COL21A1: variants seen among roughly 807,000 people sequenced by gnomAD.
The protein encoded by COL21A1 is collagen alpha-1(XXI) chain.
In COL21A1, 149 loss-of-function variants were observed where a neutral mutation model predicts 137.9. The observed-to-expected ratio is 1.08, with a 90% CI of 0.95 to 1.24. COL21A1 has a LOEUF of 1.24. Ranked by LOEUF, COL21A1 falls within the 50% of genes most tolerant of loss-of-function variation. The pLI is 0.00. For missense variants in COL21A1, 1,167 were observed against 1,158.4 expected, an observed-to-expected ratio of 1.01 and a Z score of -0.11; for synonymous variants, 456 against 391.5, an observed-to-expected ratio of 1.16 and a Z score of -1.95.
At chr6:56,288,589 G>A (rs548088195) in intron 1 of COL21A1, among the ~76,000 whole-genome samples, 1 of 152,312 alleles carries the variant, frequency 6.6e-6, no homozygotes, top group East Asian at 1.9e-4. Context: ...ACAAGAGCCA[G>A]TGAAAGAGCA....
At chr6:56,327,927 T>C (rs1765132811) in intron 1 of COL21A1, among the ~76,000 whole-genome samples, 1 of 152,054 alleles carries the variant, frequency 6.6e-6, no homozygotes, top group Non-Finnish European at 1.5e-5. Flanking sequence ...GAAAAGTCAC[T>C]CTGAGAAATG....
chr6:56,085,457 A>G (rs1466596539), intron 17 of COL21A1, among the ~76,000 whole-genome samples: 1 of 152,108 alleles, frequency 6.6e-6, no homozygotes, highest in East Asian at 1.9e-4. Flanking sequence ...ATAATTTCAT[A>G]TTATCATTTA....
At chr6:56,170,214 A>C (rs975112009) in intron 5 of COL21A1, among the ~76,000 whole-genome samples, 2 of 151,872 alleles carry the variant, frequency 1.3e-5, no homozygotes. Context: ...CTTCATGTAA[A>C]TATCCTGTAG....
At chr6:56,209,461 T>C (rs1780011217) in intron 1 of COL21A1, among the ~76,000 whole-genome samples, 1 of 152,158 alleles carries the variant, frequency 6.6e-6, no homozygotes, top group African/African-American at 2.4e-5. Flanking sequence ...CATCAAAAAG[T>C]GAGCGAAGGA....
intron 1 of COL21A1, among the ~76,000 whole-genome samples, chr6:56,274,266 A>G (rs1408451014): frequency 2.0e-5 from 3 of 152,190 alleles, no homozygotes; most frequent in African/African-American, 7.2e-5. Flanking sequence ...CATCATACAG[A>G]ATGGGCCAAA....
chr6:56,373,020 A>T, intron 1 of COL21A1, among the ~76,000 whole-genome samples: 1 of 152,194 alleles, frequency 6.6e-6, no homozygotes, highest in East Asian at 1.9e-4. Flanking sequence ...AAAATAAAAA[A>T]AAAAAAGAAA....
At chr6:56,353,249 A>T (rs1765753909) in intron 1 of COL21A1, among the ~76,000 whole-genome samples, 1 of 152,182 alleles carries the variant, frequency 6.6e-6, no homozygotes, top group Non-Finnish European at 1.5e-5. Context: ...AGATAAGAAG[A>T]GGCCATTCCT....
intron 1 of COL21A1, among the ~76,000 whole-genome samples, chr6:56,303,885 T>C (rs907077003): frequency 5.3e-5 from 8 of 152,186 alleles, no homozygotes; most frequent in Non-Finnish European, 1.2e-4. Context: ...AGATAGCTCT[T>C]ATGATTTTGA....
chr6:56,363,404 A>G (rs1365923199), intron 1 of COL21A1, among the ~76,000 whole-genome samples: 1 of 152,210 alleles, frequency 6.6e-6, no homozygotes, highest in Non-Finnish European at 1.5e-5. Context: ...TGAGGCTTAC[A>G]GAGGTTAAGT....
chr6:56,123,102 A>G (rs1391456563), intron 16 of COL21A1, among the ~76,000 whole-genome samples: 3 of 152,250 alleles, frequency 2.0e-5, no homozygotes, highest in Admixed American at 6.5e-5. Flanking sequence ...CACATAGTCT[A>G]GATTATAAAC....
At chr6:56,069,852 C>T (rs1766593531) in intron 21 of COL21A1, among the ~76,000 whole-genome samples, 1 of 150,944 alleles carries the variant, frequency 6.6e-6, no homozygotes, top group African/African-American at 2.4e-5. Context: ...TTGGAATGAA[C>T]ATCCTGGTAG....
chr6:56,160,822 A>G (rs1776140832), intron 9 of COL21A1, among the ~76,000 whole-genome samples: 1 of 152,206 alleles, frequency 6.6e-6, no homozygotes, highest in Non-Finnish European at 1.5e-5. Flanking sequence ...ATAAGCTAAT[A>G]TTTTAAGTTG....
intron 1 of COL21A1, among the ~76,000 whole-genome samples, chr6:56,305,552 C>G (rs1174817680): frequency 6.6e-6 from 1 of 152,092 alleles, no homozygotes; most frequent in Non-Finnish European, 1.5e-5. Context: ...ACTAGGATTG[C>G]AACCCCTGCC....
At position 56,070,770 on chromosome 6, in the gene COL21A1, C is replaced by A. The variant is rs200999181; in HGVS notation, c.1994G>T (p.Gly665Val). ...CTTGAGCCCAGAAGCCCCAGGCATC[C>A]CTTGAATTCCAGGTTCACCTTTGCT... Reference protein sequence around the residue: ...KGSKGEPGIQGMPGASGLKGE... With the variant: ...KGSKGEPGIQVMPGASGLKGE... The change falls in exon 21 of 30, where the codon GGG becomes GTG. Residue 665 changes from glycine (G) to valine (V), a missense_variant. By Grantham distance (109) the Gly-to-Val change is moderately radical. Transcript: ENST00000244728. 1,598 of 1,589,834 alleles carry A rather than the reference C, an allele frequency of 1.0e-3. 1 individual carries two copies. The highest frequency in any genetic ancestry group is 1.4e-3 in the Admixed American group (73 of 53,492).
chr6:56,155,024 A>G (rs546746742), intron 10 of COL21A1, among the ~76,000 whole-genome samples: 72 of 152,238 alleles, frequency 4.7e-4, no homozygotes, highest in African/African-American at 1.6e-3. Context: ...CCAGGTATTA[A>G]GCCTAGTACC....
At chr6:56,065,372 C>A (rs915117862) in intron 23 of COL21A1, among the ~76,000 whole-genome samples, 6 of 151,988 alleles carry the variant, frequency 3.9e-5, no homozygotes, top group Non-Finnish European at 8.8e-5. Context: ...ATTTTTTGAG[C>A]AGCACCTATT....
At chr6:56,251,069 A>C (rs1036105155), upstream of COL21A1, among the ~76,000 whole-genome samples, 13 of 152,198 alleles carry the variant, frequency 8.5e-5, no homozygotes, top group African/African-American at 2.7e-4. Context: ...TTTCCCTTAC[A>C]GTCCTCTGTC....
rs1763769186 is a variant in COL21A1, at chr6:56,280,715, C to G, written c.-38-98059G>C. 2.0e-5 allele frequency among the ~76,000 whole-genome samples: 3 copies of G among 152,190 alleles called. No homozygotes were observed. The South Asian group carries it at 6.2e-4, about 32-fold the overall frequency. ...ATCAGGAAACTGAGCCTTATAGGGT[C>G]GAAACAATTCACCCTGGCTGGGCAC... is the stretch of plus-strand genomic sequence containing the variant. On this transcript the variant is annotated intron_variant, in intron 1 of 28. Transcript: ENST00000370819.
At chr6:56,211,169 GTATATATACATATATATGTA>G (rs1561988470) in intron 1 of COL21A1, among the ~76,000 whole-genome samples, 5 of 11,632 alleles carry the variant, frequency 4.3e-4, no homozygotes, top group African/African-American at 3.2e-3. Flanking sequence ...GTGTGTATAT[GTATATATACATATATATGTA>G]TATATGTATA....
Sources: allele counts gnomAD v4.1 joint callset (sites outside exome capture counted in the v4.1 genomes callset), GRCh38; gene constraint gnomAD v4.1.1; transcripts MANE v1.5; gene names NCBI Gene and HGNC (gene_info 2026-07-23, HGNC 2026-07-21).